Variants in SPAST observed in about 807,000 individuals in gnomAD.
The protein encoded by SPAST is spastin, also known as spastic paraplegia 4 (autosomal dominant; spastin).
In SPAST, 30 loss-of-function variants were observed where a neutral mutation model predicts 76.6. That is an observed-to-expected ratio of 0.39 (90% CI 0.29 to 0.53). The LOEUF (loss-of-function observed/expected upper bound fraction) is 0.53. Ranked by LOEUF, SPAST falls within the 20% of genes least tolerant of loss-of-function variation. The pLI, the probability that SPAST is intolerant of heterozygous loss-of-function variation, is 0.68. For missense variants in SPAST, 717 were observed against 770.5 expected, an observed-to-expected ratio of 0.93 and a Z score of 0.82; for synonymous variants, 305 against 281.0, an observed-to-expected ratio of 1.09 and a Z score of -0.86.
chr2:32,077,460 T>C (rs1677011488), intron 1 of SPAST, among the ~76,000 whole-genome samples: 2 of 152,240 alleles, frequency 1.3e-5, no homozygotes, highest in Non-Finnish European at 2.9e-5. Flanking sequence ...TACCACTTTA[T>C]TACTTAAAGT....
chr2:32,072,304 A>G (rs528285877), intron 1 of SPAST, among the ~76,000 whole-genome samples: 232 of 152,250 alleles, frequency 1.5e-3, no homozygotes, highest in Non-Finnish European at 2.4e-3. Context: ...CGGCCTCCCA[A>G]AGTGCTGGGA....
intron 4 of SPAST, among the ~76,000 whole-genome samples, chr2:32,101,874 G>A (rs890419831): frequency 9.2e-5 from 14 of 152,106 alleles, no homozygotes; most frequent in Non-Finnish European, 1.9e-4. Context: ...TTTGATTACT[G>A]TACCTTCGTA....
intron 16 of SPAST, among the ~76,000 whole-genome samples, chr2:32,148,459 G>A (rs1679966459): frequency 1.3e-5 from 2 of 150,340 alleles, no homozygotes; most frequent in African/African-American, 2.5e-5. Context: ...ATCACTTGAG[G>A]TCAGGAGTTC....
rs1463006535 is a variant in SPAST, at chr2:32,157,006, T to G, written c.*2510T>G. The G allele has an allele frequency of 6.6e-6, 1 of 152,302 alleles. No individual in the cohort carries two copies. Among genetic ancestry groups the G allele is most frequent in the Admixed American group, 6.5e-5 (1 of 15,276 alleles). The allele number at this position is 152,302 out of a possible 1,614,324, so 9.4% of individuals were successfully genotyped here. On this transcript the variant is annotated 3_prime_UTR_variant, in exon 17 of 17. Transcript: ENST00000315285. ...CCATGAAAATAGAGTAATGATATAG[T>G]AGGAGATAAGGGATTGGTTTGGTCT...
chr2:32,064,309 G>GC, intron 1 of SPAST, 63 bp downstream of exon 1: 8 of 786,686 alleles, frequency 1.0e-5, no homozygotes, highest in Admixed American at 2.2e-5. Context: ...GTCGCCGGGG[G>GC]AGGGCAACAC....
intron 1 of SPAST, among the ~76,000 whole-genome samples, chr2:32,079,905 A>G (rs1677134371): frequency 6.6e-6 from 1 of 152,126 alleles, no homozygotes; most frequent in Admixed American, 6.6e-5. Flanking sequence ...CATTGGTCTA[A>G]ATATCTGTTT....
Position 32,064,111 on chromosome 2 carries a change from G to A in SPAST, c.280G>A (p.Gly94Arg), listed in dbSNP as rs750218565. The change falls in exon 1 of 17, where the codon GGG becomes AGG. Residue 94 changes from glycine (G) to arginine (R), a missense_variant. Transcript: ENST00000315285. ...RALMAAKRSS[G>R]AAPAPASASA... ...CCTCATGGCAGCCAAGAGGAGCTCC[G>A]GGGCCGCGCCAGCACCTGCCTCGGC... is the stretch of plus-strand genomic sequence containing the variant. 4 of 1,601,158 alleles carry A rather than the reference G, an allele frequency of 2.5e-6. No homozygotes were observed. The highest frequency in any genetic ancestry group is 3.4e-6 in the Non-Finnish European group (4 of 1,174,326).
At chr2:32,081,296 G>C (rs1677212570) in intron 1 of SPAST, among the ~76,000 whole-genome samples, 1 of 150,894 alleles carries the variant, frequency 6.6e-6, no homozygotes, top group Non-Finnish European at 1.5e-5. Flanking sequence ...GGGCTTCACT[G>C]TATTAGCCAG....
chr2:32,079,957 A>G (rs996317293), intron 1 of SPAST, among the ~76,000 whole-genome samples: 7 of 152,340 alleles, frequency 4.6e-5, no homozygotes, highest in African/African-American at 1.4e-4. Context: ...ACCTAGGAGT[A>G]GAATTACTGA....
intron 1 of SPAST, among the ~76,000 whole-genome samples, chr2:32,066,907 C>G (rs1345577737): frequency 1.5e-5 from 2 of 132,332 alleles, no homozygotes; most frequent in African/African-American, 5.9e-5. Flanking sequence ...TCAGGTTGTT[C>G]AGGCTGCAAT....
Position 32,080,184 on chromosome 2 carries a change from C to T in SPAST, c.416-7308C>T, listed in dbSNP as rs74576655. On this transcript the variant is annotated intron_variant, in intron 1 of 16. Transcript: ENST00000315285. ...TATTTTTCTAATGACTTATGATGCTCAGCATTTTGTCATGTACTTATGTAC... is the reference window on the plus strand; with the variant it reads ...TATTTTTCTAATGACTTATGATGCTTAGCATTTTGTCATGTACTTATGTAC... 2.0e-4 allele frequency among the ~76,000 whole-genome samples: 31 copies of T among 152,280 alleles called. No individual in the cohort carries two copies. The East Asian group carries it at 5.4e-3, about 27-fold the overall frequency.
intron 1 of SPAST, among the ~76,000 whole-genome samples, chr2:32,066,529 A>T (rs980800167): frequency 2.6e-5 from 4 of 152,040 alleles, no homozygotes; most frequent in Non-Finnish European, 5.9e-5. Context: ...TTAGCTGGGC[A>T]TGGTGACACA....
intron 7 of SPAST, among the ~76,000 whole-genome samples, chr2:32,122,158 G>A (rs900420841): frequency 1.3e-5 from 2 of 152,140 alleles, no homozygotes; most frequent in African/African-American, 2.4e-5. Context: ...GGCTATAGCT[G>A]TCAGTCTTTT....
chr2:32,126,459 G>C (rs1387439772), intron 7 of SPAST: 2 of 130,520 alleles, frequency 1.5e-5, no homozygotes, highest in Non-Finnish European at 3.3e-5. Flanking sequence ...CCGAGGAGTT[G>C]GTTTTATTTC....
intron 4 of SPAST, among the ~76,000 whole-genome samples, chr2:32,113,857 G>A (rs996690201): frequency 9.9e-5 from 15 of 152,052 alleles, no homozygotes; most frequent in African/African-American, 2.2e-4. Flanking sequence ...GTGAGCCATC[G>A]CGCCCGGCGC....
At position 32,143,193 on chromosome 2, in the gene SPAST, AG is replaced by A. The variant is rs564945496; in HGVS notation, c.1537-141del. ...TGAGATGGGAGGATTGCTTGAACCC[AG>A]GATATCGAGGCTATAGTGAGCTATG... On this transcript the variant is annotated intron_variant, in intron 13 of 16. Coordinates refer to ENST00000315285, the MANE Select transcript of SPAST (RefSeq NM_014946.4). 2.1e-4 allele frequency: 116 copies of A among 563,798 alleles called. 3 individuals are homozygous for A. In the South Asian group the frequency reaches 2.5e-3, roughly 12 times the overall value. 34.9% of individuals were successfully genotyped at this position (563,798 alleles called of 1,614,324 possible). A position where few individuals can be genotyped will look rare whatever the true frequency, so the allele number is the denominator to read the frequency against.
chr2:32,109,236 G>A (rs1285065257), intron 4 of SPAST, among the ~76,000 whole-genome samples: 1 of 151,920 alleles, frequency 6.6e-6, no homozygotes, highest in South Asian at 2.1e-4. Flanking sequence ...AGCCTCCCCG[G>A]TAGCTGGAAT....
At chr2:32,144,284 C>A (rs1362542396) in intron 14 of SPAST, among the ~76,000 whole-genome samples, 3 of 152,150 alleles carry the variant, frequency 2.0e-5, no homozygotes, top group African/African-American at 7.2e-5. Flanking sequence ...AGAGAGTGTT[C>A]TTTGCCAAGA....
chr2:32,146,759 G>A (rs1237053895), intron 15 of SPAST, among the ~76,000 whole-genome samples: 2 of 149,928 alleles, frequency 1.3e-5, no homozygotes, highest in Admixed American at 1.3e-4. Context: ...CAGCTACTCA[G>A]GAGGCTGAGG....
Sources: allele counts gnomAD v4.1 joint callset (sites outside exome capture counted in the v4.1 genomes callset), GRCh38; gene constraint gnomAD v4.1.1; transcripts MANE v1.5; gene names NCBI Gene and HGNC (gene_info 2026-07-23, HGNC 2026-07-21).